ARID4B: variants seen among roughly 807,000 people sequenced by gnomAD.
ARID4B encodes AT-rich interactive domain-containing protein 4B.
In ARID4B, 26 loss-of-function variants were observed where a neutral mutation model predicts 147.5. The ratio of observed to expected loss-of-function variants is 0.18; its 90% CI spans 0.13 to 0.24. ARID4B has a LOEUF of 0.24. Among genes scored for constraint, ARID4B ranks in the 10% least tolerant of loss-of-function variants. ARID4B has a pLI of 1.00. For synonymous variants in ARID4B, 512 were observed against 507.9 expected (o/e 1.01, Z -0.11); for missense variants, 1,179 against 1,511.5 (o/e 0.78, Z 3.65).
intron 2 of ARID4B, among the ~76,000 whole-genome samples, chr1:235,306,527 CTAATTACTAAAGTA>C (rs906316275): frequency 1.3e-5 from 2 of 151,452 alleles, no homozygotes; most frequent in African/African-American, 4.8e-5. Flanking sequence ...TTGGACTGTG[CTAATTACTAAAGTA>C]TATGAGGATT....
At chr1:235,236,074 A>G (rs1416134030) in intron 8 of ARID4B, among the ~76,000 whole-genome samples, 2 of 151,786 alleles carry the variant, frequency 1.3e-5, no homozygotes, top group African/African-American at 4.8e-5. Context: ...CTACAGGCAC[A>G]GGCCACCCAG....
intron 11 of ARID4B, among the ~76,000 whole-genome samples, chr1:235,227,175 CAT>C (rs1289315765): frequency 1.3e-5 from 2 of 152,008 alleles, no homozygotes; most frequent in African/African-American, 4.8e-5. Flanking sequence ...GTAGCAGCAA[CAT>C]ATGTAATTTG....
chr1:235,294,244 C>T (rs2103221021), intron 2 of ARID4B, among the ~76,000 whole-genome samples: 1 of 149,578 alleles, frequency 6.7e-6, no homozygotes, highest in East Asian at 2.0e-4. Flanking sequence ...TAAAAACATA[C>T]AGTAAAATAA....
intron 2 of ARID4B, among the ~76,000 whole-genome samples, chr1:235,279,027 T>C (rs1270194457): frequency 6.6e-6 from 1 of 152,074 alleles, no homozygotes; most frequent in African/African-American, 2.4e-5. Context: ...TCCACCCACC[T>C]CAGCCTCCCA....
chr1:235,313,348 T>A (rs983857557), intron 2 of ARID4B, among the ~76,000 whole-genome samples: 2 of 152,120 alleles, frequency 1.3e-5, no homozygotes, highest in Non-Finnish European at 2.9e-5. Flanking sequence ...TTTTTTTTTT[T>A]TATTCTGAAA....
At chr1:235,235,942 T>C (rs534822922) in intron 8 of ARID4B, among the ~76,000 whole-genome samples, 1 of 150,240 alleles carries the variant, frequency 6.7e-6, no homozygotes, top group Non-Finnish European at 1.5e-5. Context: ...CCTTTTTCTT[T>C]TTCTTTTTTT....
chr1:235,324,701 C>T (rs185527846), intron 2 of ARID4B, among the ~76,000 whole-genome samples: 33 of 152,284 alleles, frequency 2.2e-4, no homozygotes, highest in Admixed American at 2.6e-4. Flanking sequence ...CTTTGGGAGG[C>T]TAAGGCGGGA....
intron 17 of ARID4B, among the ~76,000 whole-genome samples, chr1:235,201,040 G>A (rs1320813255): frequency 6.6e-6 from 1 of 152,160 alleles, no homozygotes; most frequent in African/African-American, 2.4e-5. Context: ...AGATACTTGG[G>A]AGGCTGGGGT....
chr1:235,233,485 G>A (rs985624932), intron 9 of ARID4B, among the ~76,000 whole-genome samples: 1 of 151,946 alleles, frequency 6.6e-6, no homozygotes, highest in East Asian at 1.9e-4. Flanking sequence ...TACCTTTCCC[G>A]AACTTGAAAA....
At chr1:235,309,461 G>T (rs1294440899) in intron 2 of ARID4B, among the ~76,000 whole-genome samples, 1 of 148,476 alleles carries the variant, frequency 6.7e-6, no homozygotes, top group Non-Finnish European at 1.5e-5. Flanking sequence ...CGCCCCATCC[G>T]GGAGGTAAGG....
chr1:235,252,891 T>A (rs951118948), intron 5 of ARID4B, 82 bp from the exon 6 acceptor site: 8 of 1,084,258 alleles, frequency 7.4e-6, no homozygotes, highest in Admixed American at 2.3e-5. Flanking sequence ...ATTTTCTGAG[T>A]GCAAACAGAT....
At chr1:235,196,636 G>A (rs1030905011) in intron 17 of ARID4B, among the ~76,000 whole-genome samples, 6 of 151,982 alleles carry the variant, frequency 3.9e-5, no homozygotes, top group Admixed American at 1.3e-4. Context: ...GGCAGATCAC[G>A]AAGTCAGGAG....
At chr1:235,173,237 G>A (rs961947267) in intron 22 of ARID4B, among the ~76,000 whole-genome samples, 17 of 152,188 alleles carry the variant, frequency 1.1e-4, no homozygotes, top group African/African-American at 3.4e-4. Context: ...CCAGCTACTC[G>A]GGAGGCTGGG....
At chr1:235,327,067 A>C in intron 1 of ARID4B, 99 bp from the exon 2 acceptor site, 1 of 793,868 alleles carries the variant, frequency 1.3e-6, no homozygotes, top group Non-Finnish European at 2.0e-6. Context: ...AACCCCGAAG[A>C]AAGAGCCGCA....
chr1:235,214,752 A>G (rs911843371), intron 16 of ARID4B, among the ~76,000 whole-genome samples: 1 of 137,572 alleles, frequency 7.3e-6, no homozygotes, highest in Non-Finnish European at 1.6e-5. Context: ...CTCAACTTTG[A>G]TGTTCCAAAG....
At chr1:235,181,342 A>T in intron 20 of ARID4B, 1 of 626,468 alleles carries the variant, frequency 1.6e-6, no homozygotes, top group Non-Finnish European at 2.5e-6. Context: ...AATTTCTAGC[A>T]TGTGTTCTGG....
intron 2 of ARID4B, among the ~76,000 whole-genome samples, chr1:235,279,956 C>T (rs753248266): frequency 6.6e-6 from 1 of 152,196 alleles, no homozygotes; most frequent in African/African-American, 2.4e-5. Context: ...TTCCTCCAGA[C>T]TTTACCCAAT....
rs1186601315 is a variant in ARID4B at position 235,229,740 on chromosome 1, A to ATCAAACAGTAT, written c.743-366_743-356dup. Among the ~76,000 whole-genome samples, 1,104 of 152,362 alleles carry ATCAAACAGTAT rather than the reference A, an allele frequency of 7.2e-3. 11 individuals are homozygous for ATCAAACAGTAT. Among genetic ancestry groups the ATCAAACAGTAT allele is most frequent in the African/African-American group, 0.025 (1,041 of 41,576 alleles). On this transcript the variant is annotated intron_variant, in intron 10 of 23. Transcript: ENST00000264183. ...GTAATATCTTATGCAACAAACAATTATCAAACAGTATTAATACCAGGCACA... is the reference window on the plus strand; with the variant it reads ...GTAATATCTTATGCAACAAACAATTATCAAACAGTATTCAAACAGTATTAATACCAGGCACA...
intron 23 of ARID4B, among the ~76,000 whole-genome samples, chr1:235,169,267 C>T (rs1186195996): frequency 4.0e-5 from 6 of 151,478 alleles, no homozygotes; most frequent in African/African-American, 1.2e-4. Flanking sequence ...GACAAAGTCT[C>T]GCTCTGTCTG....
Sources: allele counts gnomAD v4.1 joint callset (sites outside exome capture counted in the v4.1 genomes callset), GRCh38; gene constraint gnomAD v4.1.1; transcripts MANE v1.5; gene names NCBI Gene and HGNC (gene_info 2026-07-23, HGNC 2026-07-21).